The following DLGAP1 variants were observed in gnomAD, a reference collection of about 807,000 sequenced individuals.
DLGAP1 encodes disks large-associated protein 1.
In DLGAP1, 11 loss-of-function variants were observed where a neutral mutation model predicts 90.8. That is an observed-to-expected ratio of 0.12 (90% CI 0.08 to 0.20). The LOEUF (loss-of-function observed/expected upper bound fraction) is 0.20, where lower values mean the gene tolerates loss of function less well. Among genes scored for constraint, DLGAP1 ranks in the 10% least tolerant of loss-of-function variants. The pLI, the probability that DLGAP1 is intolerant of heterozygous loss-of-function variation, is 1.00. For missense variants in DLGAP1, 1,050 were observed against 1,333.8 expected (o/e 0.79, Z 3.31); for synonymous variants, 558 against 540.7 (o/e 1.03, Z -0.44).
intron 1 of DLGAP1, among the ~76,000 whole-genome samples, chr18:4,359,207 G>A (rs1414124465): frequency 2.6e-5 from 4 of 152,100 alleles, no homozygotes; most frequent in South Asian, 2.1e-4. Flanking sequence ...ATGGCACCTC[G>A]GTATTTGAAA....
At chr18:3,551,738 T>TCCTTCCTTCCTTCCTTCCTC (rs2053482291) in intron 9 of DLGAP1, among the ~76,000 whole-genome samples, 2 of 58,536 alleles carry the variant, frequency 3.4e-5, no homozygotes, top group African/African-American at 1.5e-4. Context: ...CTTCCTTCCT[T>TCCTTCCTTCCTTCCTTCCTC]CCTTCCTTCC....
chr18:4,035,517 C>G (rs2074874040), intron 2 of DLGAP1, among the ~76,000 whole-genome samples: 1 of 152,038 alleles, frequency 6.6e-6, no homozygotes, highest in African/African-American at 2.4e-5. Context: ...TTTTAAAAAT[C>G]TGCAGGGATG....
intron 1 of DLGAP1, among the ~76,000 whole-genome samples, chr18:4,395,322 G>A (rs2082417082): frequency 6.6e-6 from 1 of 151,998 alleles, no homozygotes; most frequent in African/African-American, 2.4e-5. Flanking sequence ...ACATTGGGGA[G>A]GTAAGTATCG....
intron 3 of DLGAP1, among the ~76,000 whole-genome samples, chr18:3,938,916 AG>A (rs1389978129): frequency 3.3e-5 from 5 of 152,212 alleles, no homozygotes; most frequent in African/African-American, 1.2e-4. Context: ...GGCTTGAACT[AG>A]AAAAGGGACA....
At chr18:4,122,679 C>T (rs2076171681) in intron 2 of DLGAP1, among the ~76,000 whole-genome samples, 2 of 152,172 alleles carry the variant, frequency 1.3e-5, no homozygotes, top group Admixed American at 1.3e-4. Context: ...AGAGATCTAC[C>T]TCCCTGGAGG....
Position 3,775,027 on chromosome 18 carries a change from T to C in DLGAP1, c.1173-32515A>G, listed in dbSNP as rs2148061402. Reference sequence around the variant, plus strand: ...GTCTGTCCAGGTAAAGAAAGTCTCATCTGGACGGACTTTTTTCACAAACCA... The same window carrying C: ...GTCTGTCCAGGTAAAGAAAGTCTCACCTGGACGGACTTTTTTCACAAACCA... On this transcript the variant is annotated intron_variant, in intron 5 of 12. Coordinates refer to ENST00000315677, the MANE Select transcript of DLGAP1 (RefSeq NM_004746.4). The surrounding 1 kb of genome is among the most constrained non-coding windows in gnomAD (Gnocchi z 4.9). Among the ~76,000 whole-genome samples the C allele has an allele frequency of 6.6e-6, 1 of 152,326 alleles. No individual in the cohort carries two copies.
chr18:3,633,993 G>C (rs534303993), intron 7 of DLGAP1, among the ~76,000 whole-genome samples: 1 of 152,248 alleles, frequency 6.6e-6, no homozygotes, highest in South Asian at 2.1e-4. Flanking sequence ...CAAGTAAAAA[G>C]AGCAATTTGC....
At chr18:4,307,115 C>A (rs2080281618) in intron 1 of DLGAP1, among the ~76,000 whole-genome samples, 1 of 152,164 alleles carries the variant, frequency 6.6e-6, no homozygotes, top group Admixed American at 6.5e-5. Context: ...TTTCTTTGAG[C>A]ACCAAAATCC....
chr18:4,335,150 A>G (rs563914079), intron 1 of DLGAP1, among the ~76,000 whole-genome samples: 1 of 152,154 alleles, frequency 6.6e-6, no homozygotes, highest in South Asian at 2.1e-4. Context: ...CAGTTGACTG[A>G]GCAATAAACA....
intron 1 of DLGAP1, among the ~76,000 whole-genome samples, chr18:4,400,511 C>G (rs529399962): frequency 6.6e-6 from 1 of 152,060 alleles, no homozygotes; most frequent in South Asian, 2.1e-4. Flanking sequence ...TCCTGTGTCC[C>G]ATGTATATTT....
At chr18:3,771,439 G>A (rs1274407168) in intron 5 of DLGAP1, 1 of 152,310 alleles carries the variant, frequency 6.6e-6, no homozygotes, top group East Asian at 1.9e-4. Context: ...CTGAGAGTGC[G>A]TCTGTGTTTC....
chr18:3,569,532 G>A (rs961413873), intron 8 of DLGAP1, among the ~76,000 whole-genome samples: 1 of 151,896 alleles, frequency 6.6e-6, no homozygotes, highest in African/African-American at 2.4e-5. Context: ...GTCACATCCA[G>A]CTTTTATGGT....
chr18:3,879,354 C>T lies in DLGAP1; in HGVS notation c.715G>A (p.Ala239Thr), dbSNP rs1185036981. ...DRSASQYFLE[A>T]YNTISEQAVK... ...GCCTGCTCGCTGATGGTGTTGTAGG[C>T]CTCCAGGAAGTACTGTGAGGCCGAG... The change falls in exon 4 of 13, where the codon GCC becomes ACC. Residue 239 changes from alanine (A) to threonine (T), a missense_variant. Around this residue, in one of 2 missense-constraint regions of DLGAP1, gnomAD observed 485 missense variants for 454.1 expected, o/e 1.07. Transcript: ENST00000315677. The surrounding 1 kb of genome is among the most constrained non-coding windows in gnomAD (Gnocchi z 6.6). 2 of 1,612,532 alleles carry T rather than the reference C, an allele frequency of 1.2e-6. No homozygotes were observed. Among genetic ancestry groups the T allele is most frequent in the Non-Finnish European group, 8.5e-7 (1 of 1,179,340 alleles).
In DLGAP1 at chr18:3,582,110, C is replaced by T. The variant is rs759446434; in HGVS notation, c.1730G>A (p.Arg577Gln). 5.0e-6 allele frequency: 8 copies of T among 1,613,780 alleles called. No homozygotes were observed. Among genetic ancestry groups the T allele is most frequent in the South Asian group, 3.3e-5 (3 of 91,056 alleles). ...QDAYMDGQGQRGDIISQSGLS... is the reference protein window; with the variant it reads ...QDAYMDGQGQQGDIISQSGLS... The stretch of plus-strand genomic sequence containing the variant: ...TCCAGACTGGCTGATAATATCTCCT[C>T]GCTGGCCCTGTCCGTCCATGTAGGC... Residue 577 changes from arginine to glutamine, a missense_variant, in exon 8 of 13, where the codon CGA (arginine) becomes CAA (glutamine). By Grantham distance (43) the Arg-to-Gln change is conservative. Coordinates refer to ENST00000315677, the MANE Select transcript of DLGAP1 (RefSeq NM_004746.4).
chr18:3,958,025 C>T (rs2073117276), intron 3 of DLGAP1, among the ~76,000 whole-genome samples: 1 of 151,978 alleles, frequency 6.6e-6, no homozygotes, highest in Non-Finnish European at 1.5e-5. Flanking sequence ...TCCTGAATAG[C>T]TGGGATTACA....
At chr18:4,340,462 G>A (rs1222872678) in intron 1 of DLGAP1, among the ~76,000 whole-genome samples, 1 of 152,112 alleles carries the variant, frequency 6.6e-6, no homozygotes, top group Non-Finnish European at 1.5e-5. Flanking sequence ...TGAAATCATG[G>A]AAAATGGAAG....
intron 7 of DLGAP1, among the ~76,000 whole-genome samples, chr18:3,588,908 C>T (rs550311479): frequency 3.2e-4 from 48 of 152,264 alleles, no homozygotes; most frequent in African/African-American, 1.1e-3. Flanking sequence ...TGCGGCCAGG[C>T]GCGGTGGCTT....
intron 2 of DLGAP1, among the ~76,000 whole-genome samples, chr18:4,138,163 A>C (rs950736332): frequency 1.1e-4 from 16 of 152,042 alleles, no homozygotes; most frequent in African/African-American, 3.9e-4. Flanking sequence ...CGGTGGTGAA[A>C]AGTGGGCATC....
At chr18:3,586,806 G>A (rs563026593) in intron 7 of DLGAP1, among the ~76,000 whole-genome samples, 2 of 152,132 alleles carry the variant, frequency 1.3e-5, no homozygotes, top group Non-Finnish European at 2.9e-5. Flanking sequence ...TCTCTCCTAA[G>A]GGTATTTTGT....
Sources: allele counts gnomAD v4.1 joint callset (sites outside exome capture counted in the v4.1 genomes callset), GRCh38; gene constraint gnomAD v4.1.1; regional missense constraint gnomAD v4.1.1; non-coding constraint Gnocchi (gnomAD v3.1); transcripts MANE v1.5; gene names NCBI Gene and HGNC (gene_info 2026-07-23, HGNC 2026-07-21).